UBAP1: variants seen among roughly 807,000 people sequenced by gnomAD.
UBAP1 encodes the protein ubiquitin associated protein 1.
UBAP1 carries 5 observed loss-of-function variants against 39.0 expected under a neutral mutation model. The observed-to-expected ratio is 0.13, with a 90% CI of 0.07 to 0.27. The LOEUF is 0.27. Ranked by LOEUF, UBAP1 falls within the 10% of genes least tolerant of loss-of-function variation. The pLI, the probability that UBAP1 is intolerant of heterozygous loss-of-function variation, is 1.00. For synonymous variants in UBAP1, 211 were observed against 225.1 expected, an observed-to-expected ratio of 0.94 and a Z score of 0.56; for missense variants, 490 against 608.1, an observed-to-expected ratio of 0.81 and a Z score of 2.04.
intron 1 of UBAP1, among the ~76,000 whole-genome samples, chr9:34,215,840 C>T (rs1009643015): frequency 1.3e-5 from 2 of 151,650 alleles, no homozygotes; most frequent in African/African-American, 4.8e-5. Context: ...TATTAAAATG[C>T]CTTTGAGCTT....
At chr9:34,237,228 G>A (rs763761978) in intron 3 of UBAP1, among the ~76,000 whole-genome samples, 6 of 126,962 alleles carry the variant, frequency 4.7e-5, no homozygotes, top group Admixed American at 8.5e-5. Flanking sequence ...TGGTCTACTG[G>A]GCACTGCAGG....
At chr9:34,211,841 G>GT (rs2131556266) in intron 1 of UBAP1, 4 of 177,504 alleles carry the variant, frequency 2.3e-5, no homozygotes, top group East Asian at 1.6e-4. Context: ...TTTATTCTTT[G>GT]TTCTTTTTTC....
intron 1 of UBAP1, among the ~76,000 whole-genome samples, chr9:34,195,487 A>C (rs535685648): frequency 3.9e-5 from 6 of 152,088 alleles, no homozygotes; most frequent in African/African-American, 1.4e-4. Context: ...CTGTTTGTCT[A>C]TCTTTATGCC....
rs199758745 is a variant in UBAP1 at position 34,201,739 on chromosome 9, CTG to C, written c.-7-19167_-7-19166del. 4.1e-4 allele frequency among the ~76,000 whole-genome samples: 63 copies of C among 152,270 alleles called. 1 individual carries two copies. In the East Asian group the frequency reaches 0.011, roughly 27 times the overall value. ...GGTGTTCTCCAGTTCAATGCCGACA[CTG>C]TCTACCTGGAGATAGTGTCAGATCC... is the stretch of plus-strand genomic sequence containing the variant. On this transcript the variant is annotated intron_variant, in intron 1 of 6. Transcript: ENST00000297661.
At chr9:34,189,907 A>G (rs546926440) in intron 1 of UBAP1, among the ~76,000 whole-genome samples, 1 of 152,286 alleles carries the variant, frequency 6.6e-6, no homozygotes, top group Non-Finnish European at 1.5e-5. Flanking sequence ...AAGTGCTGGG[A>G]TTACAGGTGT....
intron 1 of UBAP1, among the ~76,000 whole-genome samples, chr9:34,211,484 T>C (rs1406427760): frequency 6.6e-6 from 1 of 152,194 alleles, no homozygotes; most frequent in Non-Finnish European, 1.5e-5. Context: ...GTGTGACTGA[T>C]AGCTTACTGA....
At chr9:34,190,763 A>T (rs768191256) in intron 1 of UBAP1, among the ~76,000 whole-genome samples, 1 of 145,134 alleles carries the variant, frequency 6.9e-6, no homozygotes, top group Non-Finnish European at 1.5e-5. Context: ...CAGCCTCCCG[A>T]GTAGCTGGGA....
At chr9:34,228,525 T>TA (rs1451959653) in intron 2 of UBAP1, among the ~76,000 whole-genome samples, 3 of 151,876 alleles carry the variant, frequency 2.0e-5, no homozygotes, top group African/African-American at 7.3e-5. Context: ...TAATAGTACT[T>TA]ACGGTGGTCT....
chr9:34,221,853 G>A (rs879394506), intron 2 of UBAP1, among the ~76,000 whole-genome samples: 2 of 152,142 alleles, frequency 1.3e-5, no homozygotes, highest in Non-Finnish European at 2.9e-5. Context: ...GGTGGAGGTA[G>A]CTAAGAAGTT....
At chr9:34,221,871 T>C (rs1832779474) in intron 2 of UBAP1, among the ~76,000 whole-genome samples, 1 of 152,184 alleles carries the variant, frequency 6.6e-6, no homozygotes, top group African/African-American at 2.4e-5. Flanking sequence ...GTTAAAATTA[T>C]ACCCTTTTTT....
chr9:34,199,223 A>G (rs761791952), intron 1 of UBAP1, among the ~76,000 whole-genome samples: 6 of 151,608 alleles, frequency 4.0e-5, no homozygotes, highest in Non-Finnish European at 8.8e-5. Flanking sequence ...ACAGGGGCAC[A>G]CCACCACGCC....
chr9:34,222,228 A>G (rs1411115568), intron 2 of UBAP1, among the ~76,000 whole-genome samples: 1 of 152,168 alleles, frequency 6.6e-6, no homozygotes, highest in African/African-American at 2.4e-5. Context: ...TTGCTTGATA[A>G]GATCACTCAG....
At position 34,224,214 on chromosome 9, in the gene UBAP1, C is replaced by G; in HGVS notation, c.34+3266C>G. ...CATTTTTTGTTTAAAATCTCTTCTT[C>G]CTCAGGAGTCAGCTTGTCTCCTTTC... On this transcript the variant is annotated intron_variant, in intron 2 of 6. Coordinates refer to ENST00000297661, the MANE Select transcript of UBAP1 (RefSeq NM_016525.5). The G allele has an allele frequency of 1.8e-5, 9 of 513,528 alleles. No homozygotes were observed. In the South Asian group the frequency reaches 2.9e-4, roughly 16 times the overall value. The allele number at this position is 513,528 out of a possible 1,614,324, so 31.8% of individuals were successfully genotyped here. A position where few individuals can be genotyped will look rare whatever the true frequency, so the allele number is the denominator to read the frequency against.
chr9:34,202,678 TCCCC>T (rs138198341), intron 1 of UBAP1, among the ~76,000 whole-genome samples: 4,501 of 137,346 alleles, frequency 0.033, 107 homozygotes, highest in Non-Finnish European at 0.049. Context: ...TGTGTGTGTG[TCCCC>T]GTCCCCGTAT....
At chr9:34,192,011 T>C (rs1265268521) in intron 1 of UBAP1, 1 of 151,388 alleles carries the variant, frequency 6.6e-6, no homozygotes, top group Non-Finnish European at 1.5e-5. Context: ...ATTTTTTTAA[T>C]TAAATTTTTT....
rs1210384953 is a variant in UBAP1 at position 34,249,895 on chromosome 9, C to T, written c.1200C>T (p.Val400=). Residue 400 remains valine (V), a synonymous_variant, in exon 5 of 7, where the codon GTC becomes GTT. Coordinates refer to ENST00000297661, the MANE Select transcript of UBAP1 (RefSeq NM_016525.5). ...AGCGGCAGTGTGTGGAGACGGTGGTCAACATGGGCTACTCGTACGAGTGTG... is the reference window on the plus strand; with the variant it reads ...AGCGGCAGTGTGTGGAGACGGTGGTTAACATGGGCTACTCGTACGAGTGTG... ...PSERQCVETV[V]NMGYSYECVL... 4 of 1,613,688 alleles carry T rather than the reference C, an allele frequency of 2.5e-6. No homozygotes were observed. The highest frequency in any genetic ancestry group is 3.4e-6 in the Non-Finnish European group (4 of 1,179,878).
At chr9:34,203,611 A>G (rs946835676) in intron 1 of UBAP1, among the ~76,000 whole-genome samples, 1 of 152,224 alleles carries the variant, frequency 6.6e-6, no homozygotes, top group Non-Finnish European at 1.5e-5. Flanking sequence ...TTTCCATTTT[A>G]TGTGTTGGAA....
At position 34,250,755 on chromosome 9, in the gene UBAP1, A is replaced by G; in HGVS notation, c.1364A>G (p.Glu455Gly). 1 of 1,612,246 alleles carries G rather than the reference A, an allele frequency of 6.2e-7. No individual in the cohort carries two copies. The highest frequency in any genetic ancestry group is 8.5e-7 in the Non-Finnish European group (1 of 1,178,528). Residue 455 changes from glutamate (E) to glycine (G), a missense_variant, in exon 6 of 7, where the codon GAA (glutamate) becomes GGA (glycine). Physicochemically the swap from Glu to Gly is moderately conservative, Grantham distance 98. Coordinates refer to ENST00000297661, the MANE Select transcript of UBAP1 (RefSeq NM_016525.5). ...EALEMHQCSE[E>G]KMMEFLQLMS... ...CTGGAAATGCACCAGTGTTCAGAAG[A>G]AAAGGTGGGAATCTTCATGTTTCTT...
rs59367501 is a variant in UBAP1, at chr9:34,233,225, C to CTTTT, written c.35-980_35-977dup. On this transcript the variant is annotated intron_variant, in intron 2 of 6. Transcript: ENST00000297661. Reference sequence around the variant, plus strand: ...TTAAGCTAGAGTAATTCTTTCTCTTCTTTTTTTTTTTTTTGAGACAGAGTC... The same window carrying CTTTT: ...TTAAGCTAGAGTAATTCTTTCTCTTCTTTTTTTTTTTTTTTTTTGAGACAGAGTC... Among the ~76,000 whole-genome samples the CTTTT allele has an allele frequency of 2.0e-3, 283 of 141,890 alleles. 7 individuals are homozygous for CTTTT. The highest frequency in any genetic ancestry group is 0.011 in the South Asian group (51 of 4,546). 93.1% of individuals were successfully genotyped at this position (141,890 alleles called of 152,430 possible). A position where few individuals can be genotyped will look rare whatever the true frequency, so the allele number is the denominator to read the frequency against.
Sources: gnomAD v4.1 joint callset for allele counts (sites outside exome capture counted in the v4.1 genomes callset) on GRCh38, gnomAD v4.1.1 for gene constraint, MANE v1.5 for transcripts, NCBI Gene and HGNC (gene_info 2026-07-23, HGNC 2026-07-21) for gene names.